Variants in DYSF observed in about 807,000 individuals in gnomAD.
DYSF encodes dysferlin, also known as dystrophy-associated fer-1-like 1.
Under a neutral mutation model 274.9 loss-of-function variants are expected in DYSF, and 212 were observed. The observed-to-expected ratio is 0.77, with a 90% CI of 0.69 to 0.86. The LOEUF is 0.86. Ranked by LOEUF, DYSF falls within the 40% of genes least tolerant of loss-of-function variation. The pLI is 0.00. For missense variants in DYSF, 2,666 were observed against 2,783.2 expected (o/e 0.96, Z 0.95); for synonymous variants, 1,091 against 1,078.7 (o/e 1.01, Z -0.22).
intron 29 of DYSF, among the ~76,000 whole-genome samples, chr2:71,572,205 C>T (rs1049467458): frequency 2.8e-5 from 4 of 142,170 alleles, no homozygotes; most frequent in African/African-American, 1.1e-4. Context: ...ACATCCAGCA[C>T]ACCCAGCACA....
chr2:71,643,565 T>A (rs957650453), intron 41 of DYSF, among the ~76,000 whole-genome samples: 14 of 152,196 alleles, frequency 9.2e-5, no homozygotes, highest in African/African-American at 3.4e-4. Flanking sequence ...AAATAATACA[T>A]TATTGACATT....
chr2:71,654,430 G>C (rs918743413), intron 42 of DYSF, among the ~76,000 whole-genome samples: 1 of 152,156 alleles, frequency 6.6e-6, no homozygotes, highest in Non-Finnish European at 1.5e-5. Flanking sequence ...TTAAACAAGT[G>C]CACAAAACAC....
At chr2:71,530,447 G>C (rs2088554534) in intron 14 of DYSF, among the ~76,000 whole-genome samples, 2 of 152,186 alleles carry the variant, frequency 1.3e-5, no homozygotes, top group Admixed American at 6.5e-5. Context: ...TGGGTCTTCT[G>C]TTCTGAGATG....
intron 41 of DYSF, among the ~76,000 whole-genome samples, chr2:71,634,776 C>A (rs2094370942): frequency 1.3e-5 from 2 of 152,128 alleles, no homozygotes; most frequent in African/African-American, 4.8e-5. Context: ...AATGTCATGA[C>A]CTCCACAGGG....
At chr2:71,517,125 A>C in intron 10 of DYSF, 86 bp downstream of exon 10, 1 of 1,272,860 alleles carries the variant, frequency 7.9e-7, no homozygotes, top group Non-Finnish European at 1.1e-6. Flanking sequence ...GGGGCTCCAG[A>C]GATCCTGTGT....
At chr2:71,514,105 A>G (rs1573646238) in intron 7 of DYSF, among the ~76,000 whole-genome samples, 184 bp downstream of exon 7, 1 of 149,322 alleles carries the variant, frequency 6.7e-6, no homozygotes, top group Non-Finnish European at 1.5e-5. Context: ...CACATCTTAC[A>G]TCCACAGAAT....
At position 71,574,227 on chromosome 2, in the gene DYSF, C is replaced by T; in HGVS notation, c.3258C>T (p.Gly1086=). The T allele has an allele frequency of 6.2e-7, 1 of 1,613,722 alleles. No homozygotes were observed. The highest frequency in any genetic ancestry group is 1.7e-4 in the Middle Eastern group (1 of 6,060). ...GGCAGGCGGAGGCGGAGGGCGAGGGCTGGGAGTACGCCTCTCTTTTTGGCT... is the reference window on the plus strand; with the variant it reads ...GGCAGGCGGAGGCGGAGGGCGAGGGTTGGGAGTACGCCTCTCTTTTTGGCT... ...RHRQAEAEGE[G]WEYASLFGWK... Residue 1086 remains glycine (G), a synonymous_variant, in exon 30 of 56, where the codon GGC becomes GGT. Coordinates refer to ENST00000410020, the MANE Select transcript of DYSF (RefSeq NM_001130987.2).
At chr2:71,531,266 G>GA (rs1359323055) in intron 14 of DYSF, among the ~76,000 whole-genome samples, 3 of 151,940 alleles carry the variant, frequency 2.0e-5, no homozygotes, top group African/African-American at 7.2e-5. Flanking sequence ...CACTTGCTGG[G>GA]AAAAAATCAT....
intron 41 of DYSF, among the ~76,000 whole-genome samples, chr2:71,627,013 C>T (rs2094218492): frequency 2.0e-5 from 3 of 150,710 alleles, no homozygotes; most frequent in African/African-American, 7.3e-5. Flanking sequence ...AGTTATGCCT[C>T]CTTTCATTCT....
At chr2:71,597,509 C>T (rs1035968293) in intron 32 of DYSF, among the ~76,000 whole-genome samples, 1 of 152,180 alleles carries the variant, frequency 6.6e-6, no homozygotes, top group African/African-American at 2.4e-5. Context: ...TAGAAATGCA[C>T]ATTCTCCAGC....
chr2:71,511,812 G>A lies in DYSF; in HGVS notation c.351G>A (p.Ser117=), dbSNP rs559097090. ...CCACGTCTCATCTCTTCCAGGCCTC[G>A]CTGGTCCTGCAGGTGTCCTACACAC... The part of the protein sequence containing the change: ...LDTKKQPTGA[S]LVLQVSYTPL... Residue 117 remains serine, a synonymous_variant, in exon 5 of 56, where the codon TCG becomes TCA. Coordinates refer to ENST00000410020, the MANE Select transcript of DYSF (RefSeq NM_001130987.2). The A allele has an allele frequency of 2.6e-6, 4 of 1,550,212 alleles. No individual in the cohort carries two copies. Among genetic ancestry groups the A allele is most frequent in the East Asian group, 2.4e-5 (1 of 40,894 alleles).
intron 45 of DYSF, among the ~76,000 whole-genome samples, chr2:71,663,047 A>ATATTTGTGTGTG (rs1306479068): frequency 7.0e-6 from 1 of 142,842 alleles, no homozygotes; most frequent in Admixed American, 7.1e-5. Flanking sequence ...GTGTGCGCGC[A>ATATTTGTGTGTG]CGCGCGTGGT....
At chr2:71,589,505 G>A in intron 30 of DYSF, 88 bp from the exon 31 acceptor site, 1 of 1,029,004 alleles carries the variant, frequency 9.7e-7, no homozygotes, top group Non-Finnish European at 1.5e-6. Context: ...AGATCTCCTG[G>A]CCCTGGGGAT....
At chr2:71,483,729 G>A (rs2083129406) in intron 3 of DYSF, among the ~76,000 whole-genome samples, 1 of 152,188 alleles carries the variant, frequency 6.6e-6, no homozygotes, top group Admixed American at 6.5e-5. Context: ...CACCGTTACA[G>A]ATGGGGAAAC....
At chr2:71,661,261 C>T (rs1383428130) in intron 45 of DYSF, among the ~76,000 whole-genome samples, 4 of 151,528 alleles carry the variant, frequency 2.6e-5, no homozygotes, top group Non-Finnish European at 4.4e-5. Flanking sequence ...AGAGACAGTG[C>T]ATAATTTCCA....
chr2:71,611,727 TC>T, intron 38 of DYSF, 101 bp downstream of exon 38: 1 of 1,435,670 alleles, frequency 7.0e-7, no homozygotes. Flanking sequence ...CCCTGCGGGA[TC>T]CAGGGTAGGA....
At chr2:71,590,141 C>G in intron 31 of DYSF, 70 bp from the exon 32 acceptor site, 2 of 1,492,828 alleles carry the variant, frequency 1.3e-6, no homozygotes, top group East Asian at 2.3e-5. Flanking sequence ...GACTCCACCT[C>G]CCCCCGAGCC....
At chr2:71,618,589 G>GTT (rs2094000856) in intron 40 of DYSF, among the ~76,000 whole-genome samples, 1 of 128,348 alleles carries the variant, frequency 7.8e-6, no homozygotes, top group African/African-American at 2.6e-5. Flanking sequence ...AGAGTTGTGT[G>GTT]TGTGTGGTAG....
intron 36 of DYSF, among the ~76,000 whole-genome samples, chr2:71,605,885 A>G (rs7586988): frequency 0.96 from 146,677 of 152,154 alleles, 70,777 homozygotes; most frequent in African/African-American, 0.99. Context: ...AGAGCAACAT[A>G]TTGTTCCTAA....
Sources: allele counts gnomAD v4.1 joint callset (sites outside exome capture counted in the v4.1 genomes callset), GRCh38; gene constraint gnomAD v4.1.1; transcripts MANE v1.5; gene names NCBI Gene and HGNC (gene_info 2026-07-23, HGNC 2026-07-21).